Variants in THSD4 observed in about 807,000 individuals in gnomAD.
THSD4 encodes the protein thrombospondin type 1 domain containing 4, also known as thrombospondin type-1 domain-containing protein 4.
Under a neutral mutation model 119.0 loss-of-function variants are expected in THSD4, and 69 were observed. The ratio of observed to expected loss-of-function variants is 0.58; its 90% CI spans 0.48 to 0.71. The LOEUF is 0.71. THSD4 is among the 30% of genes least tolerant of loss of function. The probability of loss-of-function intolerance (pLI) is 0.00; values close to 1 mark genes in which losing one functional copy is unlikely to be tolerated. For synonymous variants in THSD4, 524 were observed against 540.4 expected (o/e 0.97, Z 0.42); for missense variants, 1,393 against 1,391.1 (o/e 1.00, Z -0.02).
chr15:71,650,230 G>A (rs911516435), intron 7 of THSD4, among the ~76,000 whole-genome samples: 1 of 152,174 alleles, frequency 6.6e-6, no homozygotes, highest in Non-Finnish European at 1.5e-5. Context: ...CCAGCAGAGT[G>A]GCTGCAACAG....
intron 7 of THSD4, among the ~76,000 whole-genome samples, chr15:71,444,510 G>T (rs1047679396): frequency 6.6e-6 from 1 of 152,218 alleles, no homozygotes; most frequent in Non-Finnish European, 1.5e-5. Context: ...TCTCTCCTGA[G>T]CACCAGACTC....
chr15:71,401,219 A>G (rs761811620), intron 6 of THSD4, among the ~76,000 whole-genome samples: 5 of 152,202 alleles, frequency 3.3e-5, no homozygotes, highest in Non-Finnish European at 4.4e-5. Context: ...CCCTTTTGCA[A>G]GTTTCTTCCA....
At chr15:71,234,858 G>T (rs1438743894) in intron 4 of THSD4, among the ~76,000 whole-genome samples, 1 of 152,104 alleles carries the variant, frequency 6.6e-6, no homozygotes, top group African/African-American at 2.4e-5. Context: ...AAGTGCACTG[G>T]CCAGTTCCTC....
At chr15:71,743,763 C>A (rs1036271346) in intron 11 of THSD4, among the ~76,000 whole-genome samples, 1 of 152,138 alleles carries the variant, frequency 6.6e-6, no homozygotes, top group Admixed American at 6.6e-5. Context: ...TTCTTACTAC[C>A]CTCTGGGTCA....
chr15:71,146,798 T>C (rs1348602521), intron 2 of THSD4, among the ~76,000 whole-genome samples: 1 of 152,192 alleles, frequency 6.6e-6, no homozygotes, highest in Non-Finnish European at 1.5e-5. Context: ...AGGACTGCCC[T>C]GGCAAACCCC....
chr15:71,366,973 G>C (rs1375045674), intron 6 of THSD4, among the ~76,000 whole-genome samples: 1 of 152,216 alleles, frequency 6.6e-6, no homozygotes, highest in Non-Finnish European at 1.5e-5. Flanking sequence ...TCTCCAAAGA[G>C]CTCCTCTTTC....
intron 3 of THSD4, among the ~76,000 whole-genome samples, chr15:71,167,818 T>C (rs1263029243): frequency 6.6e-6 from 1 of 152,234 alleles, no homozygotes; most frequent in Non-Finnish European, 1.5e-5. Flanking sequence ...CTCAATACAA[T>C]GGTGTGTCCA....
At chr15:71,158,478 G>C (rs2043222681) in intron 3 of THSD4, among the ~76,000 whole-genome samples, 1 of 152,030 alleles carries the variant, frequency 6.6e-6, no homozygotes, top group Non-Finnish European at 1.5e-5. Context: ...TTGTCATTTT[G>C]ATGATAGCTG....
intron 17 of THSD4, among the ~76,000 whole-genome samples, chr15:71,774,725 C>T (rs930952435): frequency 6.6e-6 from 1 of 151,656 alleles, no homozygotes; most frequent in Admixed American, 6.6e-5. Flanking sequence ...GTGGCTGCCC[C>T]TATGAACAGT....
chr15:71,300,514 G>T (rs2044934190), intron 6 of THSD4, among the ~76,000 whole-genome samples: 1 of 152,176 alleles, frequency 6.6e-6, no homozygotes, highest in Non-Finnish European at 1.5e-5. Context: ...GATGTTTTTG[G>T]ATCAAATGCT....
chr15:71,258,519 G>A (rs1397976365), intron 6 of THSD4, among the ~76,000 whole-genome samples: 1 of 152,084 alleles, frequency 6.6e-6, no homozygotes, highest in Non-Finnish European at 1.5e-5. Context: ...TGCGAAGCTG[G>A]GTAAAGAAAG....
At chr15:71,402,761 G>C (rs1360647872) in intron 6 of THSD4, among the ~76,000 whole-genome samples, 1 of 152,166 alleles carries the variant, frequency 6.6e-6, no homozygotes, top group East Asian at 1.9e-4. Context: ...CCTAACTGCT[G>C]GGGGGTGTGA....
intron 7 of THSD4, among the ~76,000 whole-genome samples, chr15:71,467,879 T>G (rs2047522782): frequency 6.6e-6 from 1 of 151,840 alleles, no homozygotes; most frequent in Admixed American, 6.6e-5. Flanking sequence ...GACGGAGTTT[T>G]GCTCTTGTCG....
chr15:71,449,337 A>T (rs547642450), intron 7 of THSD4, among the ~76,000 whole-genome samples: 8 of 152,286 alleles, frequency 5.3e-5, no homozygotes, highest in African/African-American at 1.9e-4. Flanking sequence ...GGGTACATTG[A>T]TACTGTTTCT....
chr15:71,776,238 T>C (rs2053910351), intron 17 of THSD4, among the ~76,000 whole-genome samples: 1 of 152,164 alleles, frequency 6.6e-6, no homozygotes, highest in Admixed American at 6.6e-5. Context: ...TACATTAAAA[T>C]TAAAAATCTC....
intron 17 of THSD4, among the ~76,000 whole-genome samples, chr15:71,776,324 C>A (rs1048615559): frequency 6.6e-6 from 1 of 152,146 alleles, no homozygotes; most frequent in Non-Finnish European, 1.5e-5. Flanking sequence ...GCACATATAA[C>A]CTAACTCACA....
chr15:71,401,605 G>A (rs1169795686), intron 6 of THSD4, among the ~76,000 whole-genome samples: 1 of 152,148 alleles, frequency 6.6e-6, no homozygotes, highest in African/African-American at 2.4e-5. Flanking sequence ...TGAAACAACA[G>A]GTGCTAGAGA....
chr15:71,260,808 A>C (rs2044387087), intron 6 of THSD4, among the ~76,000 whole-genome samples: 1 of 152,190 alleles, frequency 6.6e-6, no homozygotes, highest in South Asian at 2.1e-4. Context: ...GATTTATTAA[A>C]GGTACCCCTA....
intron 7 of THSD4, among the ~76,000 whole-genome samples, chr15:71,496,952 G>A (rs2048026409): frequency 1.3e-5 from 2 of 152,260 alleles, no homozygotes; most frequent in African/African-American, 2.4e-5. Context: ...CTCTGAGCAG[G>A]GTGATGAATT....
Sources: gnomAD v4.1 joint callset for allele counts (sites outside exome capture counted in the v4.1 genomes callset) on GRCh38, gnomAD v4.1.1 for gene constraint, MANE v1.5 for transcripts, NCBI Gene and HGNC (gene_info 2026-07-23, HGNC 2026-07-21) for gene names.